The following NRG1 variants were observed in gnomAD, a reference collection of about 807,000 sequenced individuals.
NRG1 encodes the protein neuregulin 1.
A neutral mutation model predicts 63.8 loss-of-function variants in NRG1; 18 were observed. The observed-to-expected ratio is 0.28, with a 90% CI of 0.19 to 0.42. The LOEUF is 0.42. Ranked by LOEUF, NRG1 falls within the 10% of genes least tolerant of loss-of-function variation. NRG1 has a pLI of 1.00. For missense variants in NRG1, 762 were observed against 814.7 expected (o/e 0.94, Z 0.79); for synonymous variants, 302 against 301.3 (o/e 1.00, Z -0.02).
intron 1 of NRG1, among the ~76,000 whole-genome samples, chr8:31,749,214 T>C (rs1442577928): frequency 1.3e-5 from 2 of 151,818 alleles, no homozygotes; most frequent in Non-Finnish European, 2.9e-5. Flanking sequence ...AAGAAAAAGC[T>C]CCAAATATTA....
intron 1 of NRG1, among the ~76,000 whole-genome samples, chr8:31,648,754 A>G (rs1804551924): frequency 6.6e-6 from 1 of 152,150 alleles, no homozygotes; most frequent in Non-Finnish European, 1.5e-5. Context: ...TGAAAGGCTC[A>G]ATAATTTTCC....
At chr8:32,312,167 T>G (rs1191010534) in intron 1 of NRG1, among the ~76,000 whole-genome samples, 2 of 132,900 alleles carry the variant, frequency 1.5e-5, no homozygotes, top group Admixed American at 7.6e-5. Context: ...GTTTTTTTTT[T>G]TTTTTTTTTT....
intron 1 of NRG1, among the ~76,000 whole-genome samples, chr8:32,126,091 G>T (rs986642433): frequency 2.0e-5 from 3 of 151,764 alleles, no homozygotes; most frequent in Admixed American, 1.3e-4. Context: ...ATTCATCTTT[G>T]TGTCTTTCCA....
chr8:32,754,761 G>A (rs1232498222), intron 8 of NRG1, among the ~76,000 whole-genome samples: 1 of 152,102 alleles, frequency 6.6e-6, no homozygotes, highest in African/African-American at 2.4e-5. Flanking sequence ...GTGTGTGGGT[G>A]GGACAGAATG....
intron 1 of NRG1, among the ~76,000 whole-genome samples, chr8:32,244,708 G>C (rs1848441751): frequency 6.6e-6 from 1 of 152,140 alleles, no homozygotes; most frequent in African/African-American, 2.4e-5. Context: ...TCAGAAACCT[G>C]AGTAAGACTG....
chr8:31,731,290 A>G (rs1045372367), intron 1 of NRG1, among the ~76,000 whole-genome samples: 1 of 152,140 alleles, frequency 6.6e-6, no homozygotes. Context: ...CACATGTCCA[A>G]CTGAAGAGGA....
At chr8:32,726,239 T>C (rs1822150835) in intron 5 of NRG1, among the ~76,000 whole-genome samples, 1 of 152,166 alleles carries the variant, frequency 6.6e-6, no homozygotes, top group African/African-American at 2.4e-5. Context: ...ATTTCCATTG[T>C]CAAGATTTTT....
intron 7 of NRG1, among the ~76,000 whole-genome samples, chr8:32,752,113 G>A (rs915893473): frequency 7.9e-5 from 12 of 152,158 alleles, no homozygotes; most frequent in Admixed American, 4.6e-4. Context: ...TTCATCTCTT[G>A]TCAATAATAC....
chr8:32,669,178 A>C (rs1308311391), intron 5 of NRG1, among the ~76,000 whole-genome samples: 1 of 152,180 alleles, frequency 6.6e-6, no homozygotes, highest in Non-Finnish European at 1.5e-5. Context: ...CATGATGAGC[A>C]TGGGATTGAT....
intron 1 of NRG1, among the ~76,000 whole-genome samples, chr8:31,659,130 C>G (rs967172701): frequency 7.9e-5 from 12 of 152,126 alleles, no homozygotes; most frequent in African/African-American, 2.7e-4. Flanking sequence ...CCAGGTGAAT[C>G]ATGTCTGGAG....
chr8:31,789,751 A>G (rs1012441182), intron 1 of NRG1, among the ~76,000 whole-genome samples: 4 of 152,130 alleles, frequency 2.6e-5, no homozygotes, highest in Non-Finnish European at 2.9e-5. Flanking sequence ...TTCCATTGCT[A>G]TGATGGTTCT....
intron 5 of NRG1, among the ~76,000 whole-genome samples, chr8:32,716,655 A>G (rs2128994085): frequency 6.6e-6 from 1 of 152,296 alleles, no homozygotes; most frequent in South Asian, 2.1e-4. Context: ...GAATTTAGCC[A>G]GGCAAGCTGA....
chr8:31,704,915 A>G (rs1354352770), intron 1 of NRG1, among the ~76,000 whole-genome samples: 1 of 152,134 alleles, frequency 6.6e-6, no homozygotes, highest in Non-Finnish European at 1.5e-5. Context: ...ACTCACCAAA[A>G]GTAGATACAT....
chr8:31,946,877 T>C (rs1424961649), intron 1 of NRG1, among the ~76,000 whole-genome samples: 1 of 152,244 alleles, frequency 6.6e-6, no homozygotes, highest in Non-Finnish European at 1.5e-5. Context: ...AAAAGATAGA[T>C]TTGAGATTGA....
chr8:32,126,076 G>A (rs769531431), intron 1 of NRG1, among the ~76,000 whole-genome samples: 1 of 151,792 alleles, frequency 6.6e-6, no homozygotes, highest in Non-Finnish European at 1.5e-5. Flanking sequence ...CAGGGGCCAT[G>A]CAGTATTCAT....
chr8:31,701,486 T>A (rs1810625267), intron 1 of NRG1, among the ~76,000 whole-genome samples: 1 of 152,252 alleles, frequency 6.6e-6, no homozygotes, highest in African/African-American at 2.4e-5. Flanking sequence ...GAGGGAACAA[T>A]TATATTAATC....
At chr8:32,095,387 T>C (rs1375005268) in intron 1 of NRG1, among the ~76,000 whole-genome samples, 2 of 152,174 alleles carry the variant, frequency 1.3e-5, no homozygotes, top group African/African-American at 2.4e-5. Context: ...ACTCCAAATA[T>C]TAGCATAAAT....
intron 1 of NRG1, among the ~76,000 whole-genome samples, chr8:32,022,928 G>A (rs934137240): frequency 3.3e-5 from 5 of 152,104 alleles, no homozygotes; most frequent in African/African-American, 7.2e-5. Flanking sequence ...TAATGTGCAC[G>A]GGAGCACAGA....
chr8:32,195,467 C>A (rs1842871686), intron 1 of NRG1, among the ~76,000 whole-genome samples: 1 of 150,496 alleles, frequency 6.6e-6, no homozygotes, highest in South Asian at 2.1e-4. Context: ...TCCCTCTAAG[C>A]AGTTAAAATA....
Sources: gnomAD v4.1 joint callset for allele counts (sites outside exome capture counted in the v4.1 genomes callset) on GRCh38, gnomAD v4.1.1 for gene constraint, MANE v1.5 for transcripts, NCBI Gene and HGNC (gene_info 2026-07-23, HGNC 2026-07-21) for gene names.